ZC3H18: variants seen among roughly 807,000 people sequenced by gnomAD.
The protein encoded by ZC3H18 is zinc finger CCCH domain-containing protein 18.
ZC3H18 carries 8 observed loss-of-function variants against 106.1 expected under a neutral mutation model. That is an observed-to-expected ratio of 0.08 (90% CI 0.04 to 0.14). The LOEUF is 0.14. ZC3H18 is among the 10% of genes least tolerant of loss of function. ZC3H18 has a pLI of 1.00. For missense variants in ZC3H18, 1,318 were observed against 1,278.4 expected (o/e 1.03, Z -0.47); for synonymous variants, 635 against 522.1 (o/e 1.22, Z -2.95).
intron 6 of ZC3H18, among the ~76,000 whole-genome samples, chr16:88,606,091 A>G (rs1904997612): frequency 6.6e-6 from 1 of 152,228 alleles, no homozygotes; most frequent in African/African-American, 2.4e-5. Context: ...GCTTTGCCCA[A>G]CCTTGCTTCA....
chr16:88,580,901 G>A (rs1185428478), intron 2 of ZC3H18, among the ~76,000 whole-genome samples: 1 of 152,176 alleles, frequency 6.6e-6, no homozygotes, highest in Non-Finnish European at 1.5e-5. Context: ...GTTTCTCTGT[G>A]GAAGAATTAC....
intron 2 of ZC3H18, among the ~76,000 whole-genome samples, chr16:88,580,705 G>A (rs1915072987): frequency 6.6e-6 from 1 of 152,134 alleles, no homozygotes; most frequent in Non-Finnish European, 1.5e-5. Flanking sequence ...TTTCTCTGAT[G>A]GACTGGGAGC....
intron 8 of ZC3H18, among the ~76,000 whole-genome samples, chr16:88,616,931 G>C (rs370707012): frequency 2.0e-5 from 3 of 152,136 alleles, no homozygotes; most frequent in African/African-American, 7.2e-5. Context: ...GCCCAGGCTC[G>C]TTATAGCAGG....
rs1195027366 is a variant in ZC3H18 at position 88,624,614 on chromosome 16, G to A, written c.1911G>A (p.Val637=). The A allele has an allele frequency of 6.2e-7, 1 of 1,613,740 alleles. No homozygotes were observed. Among genetic ancestry groups the A allele is most frequent in the East Asian group, 2.2e-5 (1 of 44,868 alleles). ...PPPGKAGEKS[V]KKPAPPPAPP... is the part of the protein sequence containing the mutation. ...CCCTGTCTCACAGAGAGAAGTCAGTGAAGAAGCCGGCCCCGCCTCCAGCCC... is the reference window on the plus strand; with the variant it reads ...CCCTGTCTCACAGAGAGAAGTCAGTAAAGAAGCCGGCCCCGCCTCCAGCCC... The change falls in exon 12 of 18, where the codon GTG becomes GTA. Residue 637 remains valine, a synonymous_variant. Coordinates refer to ENST00000301011, the MANE Select transcript of ZC3H18 (RefSeq NM_144604.4).
Position 88,608,994 on chromosome 16 carries a change from A to T in ZC3H18, c.1149A>T (p.Gly383=). ...AAATTGAGCGGTTTTGGCGTGGCGG[A>T]CAGTATGAGAATTTCAGGGTGCAGT... is the stretch of plus-strand genomic sequence containing the variant. ...DYEIERFWRG[G]QYENFRVQYT... is the part of the protein sequence containing the mutation. The change falls in exon 7 of 18, where the codon GGA becomes GGT. Residue 383 remains glycine (G), a synonymous_variant. Transcript: ENST00000301011. 1 of 1,613,986 alleles carries T rather than the reference A, an allele frequency of 6.2e-7. No individual in the cohort carries two copies. The highest frequency in any genetic ancestry group is 8.5e-7 in the Non-Finnish European group (1 of 1,179,904).
At chr16:88,625,520 G>A (rs1201684824) in intron 13 of ZC3H18, 1 of 527,206 alleles carries the variant, frequency 1.9e-6, no homozygotes, top group South Asian at 2.1e-5. Flanking sequence ...AGGTCAGGAG[G>A]AGGTGCCTCT....
intron 10 of ZC3H18, 33 bp from the exon 11 acceptor site, chr16:88,623,924 AG>A (rs1906127878): frequency 1.3e-6 from 2 of 1,580,478 alleles, no homozygotes; most frequent in African/African-American, 2.7e-5. Flanking sequence ...AAACACCCCC[AG>A]GCCCCTTCCG....
chr16:88,601,982 C>T (rs1904772673), intron 6 of ZC3H18, among the ~76,000 whole-genome samples: 2 of 152,212 alleles, frequency 1.3e-5, no homozygotes, highest in Non-Finnish European at 2.9e-5. Flanking sequence ...AGGGTGGGTC[C>T]ACCAGGTAGG....
rs752864337 is a variant in ZC3H18, at chr16:88,631,166, C to T, written c.2729C>T (p.Ser910Leu). 31 of 1,613,430 alleles carry T rather than the reference C, an allele frequency of 1.9e-5. No individual in the cohort carries two copies. Among genetic ancestry groups the T allele is most frequent in the Admixed American group, 6.7e-5 (4 of 60,008 alleles). Reference protein sequence around the residue: ...SKVTSVPGKASDPGAASTKSG... With the variant: ...SKVTSVPGKALDPGAASTKSG... ...GTCACGAGCGTGCCCGGCAAAGCCT[C>T]GGATCCCGGCGCCGCCAGCACCAAA... The change falls in exon 18 of 18, where the codon TCG becomes TTG. Residue 910 changes from serine to leucine, a missense_variant. Physicochemically the swap from Ser to Leu is moderately radical, Grantham distance 145. Around this residue, in one of 6 missense-constraint regions of ZC3H18, gnomAD observed 848 missense variants for 821.7 expected, o/e 1.03. Coordinates refer to ENST00000301011, the MANE Select transcript of ZC3H18 (RefSeq NM_144604.4).
chr16:88,612,891 T>C (rs1207164688), intron 8 of ZC3H18, among the ~76,000 whole-genome samples: 1 of 152,096 alleles, frequency 6.6e-6, no homozygotes, highest in Non-Finnish European at 1.5e-5. Context: ...TGGTCCCAGC[T>C]ACTCGGGAGG....
chr16:88,628,767 A>G lies in ZC3H18; in HGVS notation c.2479A>G (p.Lys827Glu). ...CTCTCTCTTGTCCCAGGCGGCTGATAAAGGAAGCAGGAAGCGCTATGAACC... is the reference window on the plus strand; with the variant it reads ...CTCTCTCTTGTCCCAGGCGGCTGATGAAGGAAGCAGGAAGCGCTATGAACC... Reference protein sequence around the residue: ...KLTLLNKAADKGSRKRYEPSD... With the variant: ...KLTLLNKAADEGSRKRYEPSD... Residue 827 changes from lysine to glutamate, a missense_variant, in exon 16 of 18, where the codon AAA becomes GAA. Around this residue, in one of 6 missense-constraint regions of ZC3H18, gnomAD observed 848 missense variants for 821.7 expected, o/e 1.03. Coordinates refer to ENST00000301011, the MANE Select transcript of ZC3H18 (RefSeq NM_144604.4). The G allele has an allele frequency of 1.9e-6, 3 of 1,613,966 alleles. No individual in the cohort carries two copies. The highest frequency in any genetic ancestry group is 2.5e-6 in the Non-Finnish European group (3 of 1,179,924).
Position 88,623,982 on chromosome 16 carries a change from G to A in ZC3H18, c.1818G>A (p.Pro606=), listed in dbSNP as rs200434508. 1.1e-5 allele frequency: 18 copies of A among 1,612,582 alleles called. No individual in the cohort carries two copies. The highest frequency in any genetic ancestry group is 3.3e-5 in the Admixed American group (2 of 59,902). Residue 606 remains proline (P), a synonymous_variant, in exon 11 of 18, where the codon CCG becomes CCA. Coordinates refer to ENST00000301011, the MANE Select transcript of ZC3H18 (RefSeq NM_144604.4). ...GGTCCCGGTCCTTCTCTTCGTCCCC[G>A]TCCCCGTCCCCAACACCTTCCCCAC... is the stretch of plus-strand genomic sequence containing the variant. The part of the protein sequence containing the change: ...RSRSRSFSSS[P]SPSPTPSPHR...
chr16:88,628,595 C>T (rs1412927978), intron 15 of ZC3H18, 163 bp from the exon 16 acceptor site: 6 of 690,170 alleles, frequency 8.7e-6, no homozygotes, highest in South Asian at 3.6e-5. Flanking sequence ...GCCCTTGGTC[C>T]GGGTCCTGGA....
At chr16:88,573,008 C>T (rs916950985) in intron 1 of ZC3H18, among the ~76,000 whole-genome samples, 2 of 152,082 alleles carry the variant, frequency 1.3e-5, no homozygotes, top group Non-Finnish European at 2.9e-5. Context: ...CCTCCCGCTT[C>T]AGCCTCCCAA....
chr16:88,586,806 TAGG>T (rs1915465661), intron 3 of ZC3H18, 122 bp downstream of exon 3: 372 of 668,086 alleles, frequency 5.6e-4, no homozygotes, highest in Middle Eastern at 1.0e-3. Flanking sequence ...CATTACTGGC[TAGG>T]TGGTGGTGGT....
chr16:88,596,240 A>G (rs1448449122), intron 3 of ZC3H18, among the ~76,000 whole-genome samples: 2 of 152,234 alleles, frequency 1.3e-5, no homozygotes, highest in African/African-American at 4.8e-5. Context: ...TCAGTGAGAA[A>G]GGATCTTTTT....
intron 10 of ZC3H18, 93 bp downstream of exon 10, chr16:88,623,437 T>TG: frequency 6.6e-7 from 1 of 1,524,952 alleles, no homozygotes; most frequent in African/African-American, 1.4e-5. Context: ...AGTAGCCCCT[T>TG]GGGGTATTGA....
chr16:88,619,978 A>G (rs945343234), intron 8 of ZC3H18, among the ~76,000 whole-genome samples: 21 of 152,208 alleles, frequency 1.4e-4, no homozygotes, highest in African/African-American at 4.8e-4. Context: ...CTTTTCCAGG[A>G]GACACCCAGA....
intron 8 of ZC3H18, among the ~76,000 whole-genome samples, chr16:88,614,586 T>C (rs534126521): frequency 1.3e-5 from 2 of 152,368 alleles, no homozygotes; most frequent in South Asian, 4.1e-4. Flanking sequence ...GTATTTGTCA[T>C]ACTTTCCTAA....
Sources: allele counts gnomAD v4.1 joint callset (sites outside exome capture counted in the v4.1 genomes callset), GRCh38; gene constraint gnomAD v4.1.1; regional missense constraint gnomAD v4.1.1; transcripts MANE v1.5; gene names NCBI Gene and HGNC (gene_info 2026-07-23, HGNC 2026-07-21).